Variants in NEB observed in about 807,000 individuals in gnomAD.
NEB encodes nemaline myopathy type 2.
In NEB, 512 loss-of-function variants were observed where a neutral mutation model predicts 952.2. The ratio of observed to expected loss-of-function variants is 0.54; its 90% CI spans 0.50 to 0.58. The LOEUF is 0.58. Among genes scored for constraint, NEB ranks in the 20% least tolerant of loss-of-function variants. The pLI is 0.00. For synonymous variants in NEB, 2,900 were observed against 3,149.8 expected (o/e 0.92, Z 2.66); for missense variants, 8,428 against 9,231.1 (o/e 0.91, Z 3.56).
intron 161 of NEB, among the ~76,000 whole-genome samples, chr2:151,511,683 C>T (rs1298789462): frequency 1.3e-5 from 2 of 152,178 alleles, no homozygotes; most frequent in Non-Finnish European, 2.9e-5. Context: ...CACTGACAAT[C>T]GTTCATACAA....
chr2:151,563,541 A>G, intron 119 of NEB, 65 bp downstream of exon 119: 3 of 1,396,660 alleles, frequency 2.1e-6, no homozygotes, highest in Non-Finnish European at 3.1e-6. Context: ...GCAAGTTATA[A>G]ACAGGCAGAC....
rs1559057773 is a variant in NEB at position 151,485,678 on chromosome 2, T to G, written c.*82A>C. ...AAAAACCATAGGCAGCTTGAGAACT[T>G]AGGTAACAGTGGAGAGTCTAAACCG... On this transcript the variant is annotated 3_prime_UTR_variant, in exon 182 of 182. Coordinates refer to ENST00000397345, the MANE Select transcript of NEB (RefSeq NM_001164508.2). 3 of 1,332,722 alleles carry G rather than the reference T, an allele frequency of 2.3e-6. No individual in the cohort carries two copies. The highest frequency in any genetic ancestry group is 3.1e-6 in the Non-Finnish European group (3 of 982,360). The allele number at this position is 1,332,722 out of a possible 1,614,324, so 82.6% of individuals were successfully genotyped here.
At chr2:151,641,454 C>T (rs2098846096) in intron 60 of NEB, among the ~76,000 whole-genome samples, 1 of 152,206 alleles carries the variant, frequency 6.6e-6, no homozygotes, top group Admixed American at 6.5e-5. Context: ...ACCTCAGCTT[C>T]TGAGTAGCTA....
Position 151,694,371 on chromosome 2 carries a change from G to A in NEB, c.1848C>T (p.Asp616=), listed in dbSNP as rs530242068. Residue 616 remains aspartate, a synonymous_variant, in exon 20 of 182, where the codon GAC becomes GAT. Coordinates refer to ENST00000397345, the MANE Select transcript of NEB (RefSeq NM_001164508.2). The part of the protein sequence containing the change: ...GKMIGVLSIN[D]DPKMLHSLKV... ...TCAAGGAGTGCAGCATCTTGGGATC[G>A]TCATTAATGCTGAGGACTCCAATCA... 6.8e-6 allele frequency: 11 copies of A among 1,613,986 alleles called. No homozygotes were observed. In the East Asian group the frequency reaches 8.9e-5, roughly 13 times the overall value.
chr2:151,487,082 CAGAA>C (rs1389561620), intron 181 of NEB, among the ~76,000 whole-genome samples: 1 of 152,086 alleles, frequency 6.6e-6, no homozygotes, highest in Non-Finnish European at 1.5e-5. Flanking sequence ...TGTGTACTGA[CAGAA>C]AAGACAGAAT....
chr2:151,501,565 G>T (rs2064587586), intron 167 of NEB, 82 bp from the exon 168 acceptor site: 1 of 694,942 alleles, frequency 1.4e-6, no homozygotes, highest in Non-Finnish European at 2.2e-6. Flanking sequence ...CAGCCTAAAA[G>T]AAGTATTTTT....
chr2:151,573,415 A>G (rs2096715911), intron 107 of NEB, among the ~76,000 whole-genome samples: 1 of 152,194 alleles, frequency 6.6e-6, no homozygotes. Context: ...CTATGGATTG[A>G]GTGGGAAGAG....
At chr2:151,550,188 G>T (rs56401060) in intron 129 of NEB, among the ~76,000 whole-genome samples, 5,496 of 145,838 alleles carry the variant, frequency 0.038, 277 homozygotes, top group East Asian at 0.15. Flanking sequence ...GATCACTTGA[G>T]CCCAGGAATT....
At chr2:151,576,911 T>C (rs770496308) in intron 105 of NEB, among the ~76,000 whole-genome samples, 18 of 152,106 alleles carry the variant, frequency 1.2e-4, no homozygotes, top group Non-Finnish European at 2.4e-4. Flanking sequence ...AAATGCACAA[T>C]GGCATTTCAT....
intron 48 of NEB, among the ~76,000 whole-genome samples, chr2:151,657,244 T>A (rs1431372575): frequency 1.3e-5 from 2 of 151,994 alleles, no homozygotes; most frequent in Non-Finnish European, 2.9e-5. Context: ...GTAGGGAAGA[T>A]GAAGAATAGA....
intron 9 of NEB, among the ~76,000 whole-genome samples, chr2:151,717,824 T>C (rs2099763206): frequency 1.3e-5 from 2 of 151,478 alleles, no homozygotes; most frequent in South Asian, 4.2e-4. Flanking sequence ...CCCCCAGCCT[T>C]GGATCGACTT....
Position 151,643,247 on chromosome 2 carries a change from T to C in NEB, c.8063A>G (p.His2688Arg), listed in dbSNP as rs201119402. ...NKRATQILSD[H>R]VYRQHPDQFK... ...TTGATCTGGGTGCTGACGGTAAACA[T>C]GGTCACTCAAAATCTGGGTGGCTCG... The change falls in exon 58 of 182, where the codon CAT becomes CGT. Residue 2688 changes from histidine (H) to arginine (R), a missense_variant. Physicochemically the swap from His to Arg is conservative, Grantham distance 29. Coordinates refer to ENST00000397345, the MANE Select transcript of NEB (RefSeq NM_001164508.2). 2.1e-4 allele frequency: 340 copies of C among 1,613,938 alleles called. 2 individuals carry two copies. The highest frequency in any genetic ancestry group is 2.1e-3 in the South Asian group (191 of 91,082).
intron 124 of NEB, among the ~76,000 whole-genome samples, chr2:151,557,645 C>A (rs544026234): frequency 6.6e-6 from 1 of 152,324 alleles, no homozygotes; most frequent in African/African-American, 2.4e-5. Flanking sequence ...CCAAATCCAG[C>A]AGCACATCAA....
rs1425532756 is a variant in NEB, at chr2:151,533,501, T to G, written c.21358A>C (p.Asn7120His). 8.4e-6 allele frequency: 13 copies of G among 1,551,472 alleles called. No homozygotes were observed. Among genetic ancestry groups the G allele is most frequent in the Middle Eastern group, 1.7e-4 (1 of 6,010 alleles). Residue 7120 changes from asparagine (N) to histidine (H), a missense_variant, in exon 143 of 182, where the codon AAT (asparagine) becomes CAT (histidine). Physicochemically the swap from Asn to His is moderately conservative, Grantham distance 68. Around this residue, in one of 11 missense-constraint regions of NEB, gnomAD observed 3,374 missense variants for 3,651.5 expected, o/e 0.92. Transcript: ENST00000397345. ...SAKMFLQHGC[N>H]EILRPDMLTA... Reference sequence around the variant, plus strand: ...AACATATCTGGACGCAGAATTTCATTACATCCATGTTGCAGAAACATCTTG... The same window carrying G: ...AACATATCTGGACGCAGAATTTCATGACATCCATGTTGCAGAAACATCTTG...
chr2:151,577,211 T>C (rs1441307968), intron 105 of NEB, among the ~76,000 whole-genome samples: 1 of 152,070 alleles, frequency 6.6e-6, no homozygotes, highest in African/African-American at 2.4e-5. Context: ...AGGATAAACA[T>C]CAAAATCCCT....
chr2:151,636,351 A>G lies in NEB; in HGVS notation c.8995-17T>C. The G allele has an allele frequency of 6.3e-7, 1 of 1,576,944 alleles. No individual in the cohort carries two copies. Among genetic ancestry groups the G allele is most frequent in the Non-Finnish European group, 8.6e-7 (1 of 1,160,608 alleles). On this transcript the variant is annotated splice_polypyrimidine_tract_variant and intron_variant, in intron 63 of 181. Coordinates refer to ENST00000397345, the MANE Select transcript of NEB (RefSeq NM_001164508.2). Reference sequence around the variant, plus strand: ...GTACAGACTCTAAATTTGGGGGAAAAAAAATCAGATGCTGACATTTATATC... The same window carrying G: ...GTACAGACTCTAAATTTGGGGGAAAGAAAATCAGATGCTGACATTTATATC...
In NEB at chr2:151,614,417, G is replaced by A. The variant is rs1331418124; in HGVS notation, c.11460C>T (p.Asp3820=). 16 of 1,613,768 alleles carry A rather than the reference G, an allele frequency of 9.9e-6. No homozygotes were observed. The highest frequency in any genetic ancestry group is 1.3e-5 in the African/African-American group (1 of 74,876). ...KWKTKFSSPV[D]MLGVVLAKKC... ...TCTTGGCCAGCACCACCCCCAGCATGTCCACTGGGCTGCTGAACTTGGTCT... is the reference window on the plus strand; with the variant it reads ...TCTTGGCCAGCACCACCCCCAGCATATCCACTGGGCTGCTGAACTTGGTCT... Residue 3820 remains aspartate, a synonymous_variant, in exon 77 of 182, where the codon GAC becomes GAT. Transcript: ENST00000397345.
At chr2:151,608,786 C>A in intron 81 of NEB, 110 bp from the exon 82 acceptor site, 1 of 97,786 alleles carries the variant, frequency 1.0e-5, no homozygotes. Context: ...GCCTGTAATC[C>A]CAGCTACTTG....
At chr2:151,665,170 A>G (rs2099198395) in intron 42 of NEB, among the ~76,000 whole-genome samples, 163 bp downstream of exon 42, 1 of 152,124 alleles carries the variant, frequency 6.6e-6, no homozygotes, top group Non-Finnish European at 1.5e-5. Flanking sequence ...TCACTATGAA[A>G]GAGAACGCTC....
Sources: gnomAD v4.1 joint callset for allele counts (sites outside exome capture counted in the v4.1 genomes callset) on GRCh38, gnomAD v4.1.1 for gene constraint, gnomAD v4.1.1 regional missense constraint, MANE v1.5 for transcripts, NCBI Gene and HGNC (gene_info 2026-07-23, HGNC 2026-07-21) for gene names.